Variants in UGT1A9 observed in about 807,000 individuals in gnomAD.
UGT1A9 encodes the protein UDP glucuronosyltransferase family 1 member A9.
UGT1A9 carries 35 observed loss-of-function variants against 45.0 expected under a neutral mutation model. That is an observed-to-expected ratio of 0.78 (90% confidence interval 0.59 to 1.03). UGT1A9 has a LOEUF of 1.03. UGT1A9 is among the 50% of genes least tolerant of loss of function. The pLI, the probability that UGT1A9 is intolerant of heterozygous loss-of-function variation, is 0.00. For synonymous variants in UGT1A9, 278 were observed against 250.6 expected, an observed-to-expected ratio of 1.11 and a Z score of -1.03; for missense variants, 687 against 666.6, an observed-to-expected ratio of 1.03 and a Z score of -0.34.
At chr2:233,764,298 G>A (rs1320441199) in intron 1 of UGT1A9, among the ~76,000 whole-genome samples, 1 of 152,076 alleles carries the variant, frequency 6.6e-6, no homozygotes, top group African/African-American at 2.4e-5. Flanking sequence ...GTGAAGTCAG[G>A]GTGAAGTTTA....
chr2:233,727,313 C>G (rs2077603971), intron 1 of UGT1A9, among the ~76,000 whole-genome samples: 1 of 152,152 alleles, frequency 6.6e-6, no homozygotes, highest in African/African-American at 2.4e-5. Context: ...CCTTCTGTTT[C>G]CCAGGCACCA....
At chr2:233,742,194 T>G (rs1691905587) in intron 1 of UGT1A9, among the ~76,000 whole-genome samples, 1 of 151,838 alleles carries the variant, frequency 6.6e-6, no homozygotes. Context: ...GAGTGGGAAA[T>G]CAGGGGACTC....
At chr2:233,744,493 T>G (rs1190368915) in intron 1 of UGT1A9, among the ~76,000 whole-genome samples, 2 of 152,058 alleles carry the variant, frequency 1.3e-5, no homozygotes, top group Admixed American at 1.3e-4. Context: ...GGCAATTTAG[T>G]AAGAATAAAC....
intron 1 of UGT1A9, among the ~76,000 whole-genome samples, chr2:233,728,333 C>G (rs2077701109): frequency 6.6e-6 from 1 of 152,198 alleles, no homozygotes; most frequent in Non-Finnish European, 1.5e-5. Context: ...CCAGCTCCCC[C>G]AGTCCCTTGG....
At chr2:233,764,979 T>C (rs775533661) in intron 1 of UGT1A9, among the ~76,000 whole-genome samples, 2 of 151,670 alleles carry the variant, frequency 1.3e-5, no homozygotes, top group Non-Finnish European at 2.9e-5. Flanking sequence ...GGATGGTCAG[T>C]GTCTGGGGCT....
chr2:233,683,323 T>A (rs2074628267), intron 1 of UGT1A9, among the ~76,000 whole-genome samples: 1 of 152,166 alleles, frequency 6.6e-6, no homozygotes, highest in Non-Finnish European at 1.5e-5. Flanking sequence ...TTTGACATGT[T>A]CTTTTAATAA....
At chr2:233,742,045 T>C (rs1691854275) in intron 1 of UGT1A9, 1 of 151,932 alleles carries the variant, frequency 6.6e-6, no homozygotes, top group South Asian at 2.1e-4. Context: ...AGCATAGCAA[T>C]AGGATAGTTC....
intron 1 of UGT1A9, chr2:233,693,618 T>C (rs1440701846): frequency 6.2e-7 from 1 of 1,614,220 alleles, no homozygotes; most frequent in Admixed American, 1.7e-5. Flanking sequence ...CACATGACTT[T>C]TTCCCAACGA....
chr2:233,747,846 A>G, intron 1 of UGT1A9: 1 of 1,613,572 alleles, frequency 6.2e-7, no homozygotes, highest in Non-Finnish European at 8.5e-7. Context: ...GCAAAGGGTC[A>G]AGAACATGCT....
rs376887521 is a variant in UGT1A9 at position 233,757,535 on chromosome 2, A to AATATATATACATATACATATATATATAT, written c.856-9490_856-9489insCATATACATATATATATATATATATATA. ...CAAAGCCAAAATCTTGCCTGTAAGG[A>AATATATATACATATACATATATATATAT]ATATATATATATATATATATATATA... On this transcript the variant is annotated intron_variant, in intron 1 of 4. Transcript: ENST00000354728. 4.4e-3 allele frequency among the ~76,000 whole-genome samples: 377 copies of AATATATATACATATACATATATATATAT among 85,820 alleles called. 6 individuals carry two copies. The highest frequency in any genetic ancestry group is 5.9e-3 in the Middle Eastern group (1 of 170). The allele number at this position is 85,820 out of a possible 152,430, so 56.3% of individuals were successfully genotyped here. A position where few individuals can be genotyped will look rare whatever the true frequency, so the allele number is the denominator to read the frequency against.
At position 233,748,031 on chromosome 2, in the gene UGT1A9, G is replaced by A. The variant is rs1285076078; in HGVS notation, c.856-19003G>A. On this transcript the variant is annotated intron_variant, in intron 1 of 4. Transcript: ENST00000354728. ...ACCCCAGGCCGATCATGCCCAACAT[G>A]GTCTTCATTGGGGGCATCAACTGTG... The A allele has an allele frequency of 3.1e-6, 5 of 1,613,428 alleles. No homozygotes were observed. The African/African-American group carries it at 6.7e-5, about 22-fold the overall frequency.
rs186385577 is a variant in UGT1A9 at position 233,726,826 on chromosome 2, T to C, written c.856-40208T>C. ...TGGAGGTTTTCCTCTATTCGACCAT[T>C]TAAATTTAATTTTTGTTCCTTTTCT... On this transcript the variant is annotated intron_variant, in intron 1 of 4. Transcript: ENST00000354728. 4.6e-3 allele frequency among the ~76,000 whole-genome samples: 697 copies of C among 152,318 alleles called. 10 individuals carry two copies. Among genetic ancestry groups the C allele is most frequent in the Middle Eastern group, 0.031 (9 of 294 alleles).
rs936360060 is a variant in UGT1A9 at position 233,744,308 on chromosome 2, A to G, written c.856-22726A>G. On this transcript the variant is annotated intron_variant, in intron 1 of 4. Coordinates refer to ENST00000354728, the MANE Select transcript of UGT1A9 (RefSeq NM_021027.3). Reference sequence around the variant, plus strand: ...GTCTTTTTCCTCGGCCACAGGAGGGAAGAGGGTGGTGGGAGTGAGTTTAGT... The same window carrying G: ...GTCTTTTTCCTCGGCCACAGGAGGGGAGAGGGTGGTGGGAGTGAGTTTAGT... Among the ~76,000 whole-genome samples, 68 of 151,726 alleles carry G rather than the reference A, an allele frequency of 4.5e-4. 2 individuals are homozygous for G. The highest frequency in any genetic ancestry group is 1.7e-3 in the African/African-American group (68 of 41,046).
chr2:233,713,232 G>A lies in UGT1A9; in HGVS notation c.855+40443G>A, dbSNP rs1482258510. On this transcript the variant is annotated intron_variant, in intron 1 of 4. Coordinates refer to ENST00000354728, the MANE Select transcript of UGT1A9 (RefSeq NM_021027.3). Reference sequence around the variant, plus strand: ...GAACTTTTTCACCCTGACAACGTATGCCATTTCATGGACCCAGGACGAATT... The same window carrying A: ...GAACTTTTTCACCCTGACAACGTATACCATTTCATGGACCCAGGACGAATT... 12 of 1,614,154 alleles carry A rather than the reference G, an allele frequency of 7.4e-6. No homozygotes were observed. The highest frequency in any genetic ancestry group is 9.3e-6 in the Non-Finnish European group (11 of 1,180,054).
chr2:233,762,771 C>G (rs543365278), intron 1 of UGT1A9, among the ~76,000 whole-genome samples: 5 of 150,154 alleles, frequency 3.3e-5, no homozygotes, highest in South Asian at 4.2e-4. Context: ...ATTTCTATCT[C>G]TAGCTGATTA....
At chr2:233,693,466 C>T in intron 1 of UGT1A9, 1 of 1,614,120 alleles carries the variant, frequency 6.2e-7, no homozygotes, top group Middle Eastern at 1.6e-4. Flanking sequence ...CAGCCTTACC[C>T]TGTGGGGTGA....
chr2:233,685,677 T>C (rs757751672), intron 1 of UGT1A9, among the ~76,000 whole-genome samples: 3 of 152,234 alleles, frequency 2.0e-5, no homozygotes, highest in Non-Finnish European at 2.9e-5. Context: ...TGTGTACCCA[T>C]ATAGCCATTC....
intron 1 of UGT1A9, chr2:233,719,512 A>G: frequency 6.2e-7 from 1 of 1,613,910 alleles, no homozygotes; most frequent in Non-Finnish European, 8.5e-7. Context: ...TCTGCCCCTT[A>G]TGCAAGTCTT....
intron 1 of UGT1A9, among the ~76,000 whole-genome samples, chr2:233,731,783 C>T (rs553987259): frequency 3.5e-4 from 54 of 152,240 alleles, no homozygotes; most frequent in African/African-American, 1.2e-3. Context: ...CATTTATAAT[C>T]GTTTGGGTAT....
Sources: gnomAD v4.1 joint callset for allele counts (sites outside exome capture counted in the v4.1 genomes callset) on GRCh38, gnomAD v4.1.1 for gene constraint, MANE v1.5 for transcripts, NCBI Gene and HGNC (gene_info 2026-07-23, HGNC 2026-07-21) for gene names.